The following PPP1R13L variants were observed in gnomAD, a reference collection of about 807,000 sequenced individuals.
PPP1R13L encodes relA-associated inhibitor.
A neutral mutation model predicts 80.9 loss-of-function variants in PPP1R13L; 50 were observed. That is an observed-to-expected ratio of 0.62 (90% confidence interval 0.49 to 0.78). PPP1R13L has a LOEUF of 0.78. Among genes scored for constraint, PPP1R13L ranks in the 30% least tolerant of loss-of-function variants. The pLI is 0.00. For synonymous variants in PPP1R13L, 602 were observed against 534.3 expected (o/e 1.13, Z -1.75); for missense variants, 1,200 against 1,205.9 (o/e 1.00, Z 0.07).
rs1384084163 is a variant in PPP1R13L at position 45,396,318 on chromosome 19, C to G, written c.811+20G>C. ...TGCCTCTCCTCCGGGTCCTCCATTC[C>G]CCGGGCCTCCACCACTCACGTTCAT... On this transcript the variant is annotated intron_variant, in intron 5 of 12. Coordinates refer to ENST00000360957, the MANE Select transcript of PPP1R13L (RefSeq NM_006663.4). The surrounding 1 kb of genome is among the most constrained non-coding windows in gnomAD (Gnocchi z 5.3). 6.2e-7 allele frequency: 1 copy of G among 1,613,998 alleles called. No individual in the cohort carries two copies.
Position 45,398,089 on chromosome 19 carries a change from C to T in PPP1R13L, c.114G>A (p.Lys38=). ...KQMELDTAAA[K]VDELTKQLES... Reference sequence around the variant, plus strand: ...CCAGCTGCTTGGTCAGTTCATCCACCTTGGCCGCCGCCGTGTCCAGCTCCA... The same window carrying T: ...CCAGCTGCTTGGTCAGTTCATCCACTTTGGCCGCCGCCGTGTCCAGCTCCA... Residue 38 remains lysine (K), a synonymous_variant, in exon 3 of 13, where the codon AAG becomes AAA. Coordinates refer to ENST00000360957, the MANE Select transcript of PPP1R13L (RefSeq NM_006663.4). 1.2e-6 allele frequency: 2 copies of T among 1,614,190 alleles called. No individual in the cohort carries two copies. Among genetic ancestry groups the T allele is most frequent in the Non-Finnish European group, 1.7e-6 (2 of 1,180,038 alleles).
intron 7 of PPP1R13L, among the ~76,000 whole-genome samples, chr19:45,393,474 C>A (rs1219210186): frequency 6.6e-6 from 1 of 151,722 alleles, no homozygotes; most frequent in East Asian, 1.9e-4. Flanking sequence ...TGCCTGTAAC[C>A]CCAGCTACTT....
chr19:45,404,598 G>A (rs559106765), intron 1 of PPP1R13L, among the ~76,000 whole-genome samples: 1 of 152,294 alleles, frequency 6.6e-6, no homozygotes, highest in South Asian at 2.1e-4. Context: ...AAGATCGGTC[G>A]AGACAGCAGC....
At chr19:45,404,769 C>T (rs985014481) in intron 1 of PPP1R13L, among the ~76,000 whole-genome samples, 3 of 152,158 alleles carry the variant, frequency 2.0e-5, no homozygotes, top group South Asian at 4.1e-4. Context: ...GCTCCAACGT[C>T]TCCCCGGGAT....
In PPP1R13L at chr19:45,395,630, GC is replaced by G. The variant is rs1267867579; in HGVS notation, c.1159del (p.Ala387ProfsTer63). 1.4e-6 allele frequency: 2 copies of G among 1,456,754 alleles called. No homozygotes were observed. 90.2% of individuals were successfully genotyped at this position (1,456,754 alleles called of 1,614,324 possible). A position where few individuals can be genotyped will look rare whatever the true frequency, so the allele number is the denominator to read the frequency against. ...GGACCCAGGGAGCATGGCGCGGCTG[GC>G]CCCGTGCTCCCAGAAGGCGTTCTGC... The part of the protein sequence containing the change: ...KLQNAFWEHG[A>X]SRAMLPGSPL... On this transcript the variant is annotated frameshift_variant, in exon 7 of 13. Coordinates refer to ENST00000360957, the MANE Select transcript of PPP1R13L (RefSeq NM_006663.4). LOFTEE classifies it high-confidence loss of function.
At position 45,398,277 on chromosome 19, in the gene PPP1R13L, GT is replaced by G; in HGVS notation, c.41del (p.Asp14AlafsTer2). 6.2e-7 allele frequency: 1 copy of G among 1,613,934 alleles called. No individual in the cohort carries two copies. ...ACTCCAGCTTACACTGGAAGTTCATGTCCAGAAAGTCCCGCGCGCTCTGGAA... is the reference window on the plus strand; with the variant it reads ...ACTCCAGCTTACACTGGAAGTTCATGCCAGAAAGTCCCGCGCGCTCTGGAA... Reference protein sequence around the residue: ...EAFQSARDFLDMNFQSLAMKH... With the variant: ...EAFQSARDFLXMNFQSLAMKH... On this transcript the variant is annotated frameshift_variant, in exon 2 of 13. Coordinates refer to ENST00000360957, the MANE Select transcript of PPP1R13L (RefSeq NM_006663.4). LOFTEE classifies it high-confidence loss of function.
chr19:45,385,475 C>T lies in PPP1R13L; in HGVS notation c.2248+87G>A, dbSNP rs536587932. On this transcript the variant is annotated intron_variant, in intron 11 of 12. Transcript: ENST00000360957. ...AAGTGGTTGGTACAGCCCCCATACC[C>T]TTCTCTCCCTAGTAGGGGGTAGTTG... 436 of 1,400,918 alleles carry T rather than the reference C, an allele frequency of 3.1e-4. No homozygotes were observed. In the African/African-American group the frequency reaches 4.5e-3, roughly 14 times the overall value. 86.8% of individuals were successfully genotyped at this position (1,400,918 alleles called of 1,614,324 possible).
Position 45,396,597 on chromosome 19 carries a change from G to C in PPP1R13L, c.660C>G (p.Ser220Arg). 2 of 1,495,198 alleles carry C rather than the reference G, an allele frequency of 1.3e-6. No individual in the cohort carries two copies. Among genetic ancestry groups the C allele is most frequent in the African/African-American group, 1.4e-5 (1 of 71,502 alleles). 92.6% of individuals were successfully genotyped at this position (1,495,198 alleles called of 1,614,324 possible). A position where few individuals can be genotyped will look rare whatever the true frequency, so the allele number is the denominator to read the frequency against. ...CGCTGCCGCCGGAGCCTAGCAGGGAGCTCCCGAAGGCGGACGCTGGCGCGT... is the reference window on the plus strand; with the variant it reads ...CGCTGCCGCCGGAGCCTAGCAGGGACCTCCCGAAGGCGGACGCTGGCGCGT... ...AYDAPASAFGSSLLGSGGSAF... is the reference protein window; with the variant it reads ...AYDAPASAFGRSLLGSGGSAF... The change falls in exon 4 of 13, where the codon AGC (serine) becomes AGG (arginine). Residue 220 changes from serine to arginine, a missense_variant. Ser to Arg is a moderately radical substitution (Grantham distance 110, BLOSUM62 -1). This residue lies in a region of PPP1R13L where 764 missense variants were observed against 714.5 expected (regional missense o/e 1.07). Coordinates refer to ENST00000360957, the MANE Select transcript of PPP1R13L (RefSeq NM_006663.4). The surrounding 1 kb of genome is among the most constrained non-coding windows in gnomAD (Gnocchi z 5.3).
At chr19:45,384,479 G>A (rs1395616746) in intron 11 of PPP1R13L, among the ~76,000 whole-genome samples, 1 of 151,970 alleles carries the variant, frequency 6.6e-6, no homozygotes, top group African/African-American at 2.4e-5. Flanking sequence ...AGGTTGTAGT[G>A]GGCTATGGTG....
Position 45,396,708 on chromosome 19 carries a change from G to GAA in PPP1R13L, c.548_549insTT (p.Pro184SerfsTer41). 1 of 1,406,090 alleles carries GAA rather than the reference G, an allele frequency of 7.1e-7. No homozygotes were observed. The highest frequency in any genetic ancestry group is 9.2e-7 in the Non-Finnish European group (1 of 1,089,990). 87.1% of individuals were successfully genotyped at this position (1,406,090 alleles called of 1,614,324 possible). A position where few individuals can be genotyped will look rare whatever the true frequency, so the allele number is the denominator to read the frequency against. ...CCTCCGCCAGGGGGCTGCCGCGGGGGGAGCCTGCGCGGCCCAGGAAGTCGA... is the reference window on the plus strand; with the variant it reads ...CCTCCGCCAGGGGGCTGCCGCGGGGGAAGAGCCTGCGCGGCCCAGGAAGTCGA... On this transcript the variant is annotated frameshift_variant, in exon 4 of 13. Coordinates refer to ENST00000360957, the MANE Select transcript of PPP1R13L (RefSeq NM_006663.4). LOFTEE classifies it high-confidence loss of function. The surrounding 1 kb of genome is among the most constrained non-coding windows in gnomAD (Gnocchi z 5.3).
chr19:45,398,523 CGGA>C lies in PPP1R13L; in HGVS notation c.-21-187_-21-185del, dbSNP rs528386108. ...CCTCCAAAGCCAAGTCCATGCGCCACGGAGAAGTCCAAACCCAGTCTAAAACCT... is the reference window on the plus strand; with the variant it reads ...CCTCCAAAGCCAAGTCCATGCGCCACGAAGTCCAAACCCAGTCTAAAACCT... On this transcript the variant is annotated intron_variant, in intron 1 of 12. Transcript: ENST00000360957. 5.0e-3 allele frequency among the ~76,000 whole-genome samples: 758 copies of C among 152,186 alleles called. 8 individuals carry two copies. Among genetic ancestry groups the C allele is most frequent in the African/African-American group, 0.017 (689 of 41,522 alleles).
chr19:45,403,449 C>T (rs1209240878), intron 1 of PPP1R13L, among the ~76,000 whole-genome samples: 2 of 152,126 alleles, frequency 1.3e-5, no homozygotes, highest in Admixed American at 6.5e-5. Flanking sequence ...CCAGTGATCA[C>T]CCTCAGTCAC....
intron 1 of PPP1R13L, among the ~76,000 whole-genome samples, chr19:45,403,903 G>A (rs752332246): frequency 3.3e-5 from 5 of 151,942 alleles, no homozygotes; most frequent in Non-Finnish European, 7.4e-5. Flanking sequence ...CCCTCCCCCC[G>A]CCTCAAGGAC....
At chr19:45,395,280 C>T in intron 7 of PPP1R13L, 156 bp downstream of exon 7, 1 of 1,044,092 alleles carries the variant, frequency 9.6e-7, no homozygotes, top group Non-Finnish European at 1.4e-6. Flanking sequence ...TGGCTCCTAC[C>T]CAAATTCCCA....
chr19:45,395,881 G>A lies in PPP1R13L; in HGVS notation c.909C>T (p.Asn303=), dbSNP rs765627229. Residue 303 remains asparagine (N), a synonymous_variant, in exon 7 of 13, where the codon AAC becomes AAT. Transcript: ENST00000360957. The part of the protein sequence containing the change: ...LDGLGGTGKD[N]LTSATLPRNY... ...TGCGCGGCAGGGTGGCGCTAGTGAG[G>A]TTGTCCTGGGGAAGAGGGAAGGGAG... 3.2e-6 allele frequency: 5 copies of A among 1,587,068 alleles called. No individual in the cohort carries two copies. The highest frequency in any genetic ancestry group is 1.1e-5 in the South Asian group (1 of 87,450).
At chr19:45,394,629 ATTTTTTT>A (rs56394453) in intron 7 of PPP1R13L, 68,419 of 124,556 alleles carry the variant, frequency 0.55, 20,490 homozygotes, top group Non-Finnish European at 0.67. Context: ...TGCCCAGCTA[ATTTTTTT>A]TTTTTTTTTT....
rs768668757 is a variant in PPP1R13L, at chr19:45,398,039, G to A, written c.164C>T (p.Ala55Val). 1 of 1,613,942 alleles carries A rather than the reference G, an allele frequency of 6.2e-7. No individual in the cohort carries two copies. Among genetic ancestry groups the A allele is most frequent in the Non-Finnish European group, 8.5e-7 (1 of 1,179,856 alleles). ...GGGTCCGGCCTGCGGGCCAGGAGGC[G>A]CGGGAGAGTCTGACCACAGCGACTC... is the stretch of plus-strand genomic sequence containing the variant. ...QLESLWSDSP[A>V]PPGPQAGPPS... The change falls in exon 3 of 13, where the codon GCG becomes GTG. Residue 55 changes from alanine (A) to valine (V), a missense_variant. By Grantham distance (64) the Ala-to-Val change is moderately conservative. This residue lies in a region of PPP1R13L where 764 missense variants were observed against 714.5 expected (regional missense o/e 1.07). Coordinates refer to ENST00000360957, the MANE Select transcript of PPP1R13L (RefSeq NM_006663.4).
rs1206599488 is a variant in PPP1R13L, at chr19:45,404,661, C to A, written c.-22+338G>T. On this transcript the variant is annotated intron_variant, in intron 1 of 12. Coordinates refer to ENST00000360957, the MANE Select transcript of PPP1R13L (RefSeq NM_006663.4). ...CCACCTTGAGCCCCACCAGTCTGAGCCTCTCATTTCTGACCAAGACTCGGG... is the reference window on the plus strand; with the variant it reads ...CCACCTTGAGCCCCACCAGTCTGAGACTCTCATTTCTGACCAAGACTCGGG... Among the ~76,000 whole-genome samples, 4 of 152,272 alleles carry A rather than the reference C, an allele frequency of 2.6e-5. No homozygotes were observed. In the East Asian group the frequency reaches 7.7e-4, roughly 29 times the overall value.
chr19:45,403,423 A>T (rs1350911989), intron 1 of PPP1R13L, among the ~76,000 whole-genome samples: 3 of 152,112 alleles, frequency 2.0e-5, no homozygotes, highest in African/African-American at 7.2e-5. Flanking sequence ...TTTCCCCTGT[A>T]CATTCCTGAG....
Sources: allele counts gnomAD v4.1 joint callset (sites outside exome capture counted in the v4.1 genomes callset), GRCh38; gene constraint gnomAD v4.1.1; regional missense constraint gnomAD v4.1.1; non-coding constraint Gnocchi (gnomAD v3.1); transcripts MANE v1.5; gene names NCBI Gene and HGNC (gene_info 2026-07-23, HGNC 2026-07-21).